Variants in SDCCAG8 observed in about 807,000 individuals in gnomAD.
The protein encoded by SDCCAG8 is serologically defined colon cancer antigen 8.
In SDCCAG8, 74 loss-of-function variants were observed where a neutral mutation model predicts 101.8. That is an observed-to-expected ratio of 0.73 (90% CI 0.60 to 0.88). SDCCAG8 has a LOEUF of 0.88. Among genes scored for constraint, SDCCAG8 ranks in the 40% least tolerant of loss-of-function variants. The pLI, the probability that SDCCAG8 is intolerant of heterozygous loss-of-function variation, is 0.00. For synonymous variants in SDCCAG8, 281 were observed against 292.9 expected (o/e 0.96, Z 0.41); for missense variants, 787 against 822.6 (o/e 0.96, Z 0.53).
At chr1:243,452,839 G>T (rs1469316243) in intron 16 of SDCCAG8, among the ~76,000 whole-genome samples, 1 of 152,178 alleles carries the variant, frequency 6.6e-6, no homozygotes, top group African/African-American at 2.4e-5. Context: ...CAATTATTCT[G>T]TGAGGGCTTC....
chr1:243,476,163 G>C, intron 16 of SDCCAG8: 2 of 985,456 alleles, frequency 2.0e-6, no homozygotes, highest in Non-Finnish European at 2.4e-6. Flanking sequence ...GAGTCACTCT[G>C]TTCAGCTCAA....
At chr1:243,304,531 G>T (rs560146644) in intron 6 of SDCCAG8, among the ~76,000 whole-genome samples, 182 bp from the exon 7 acceptor site, 10 of 152,210 alleles carry the variant, frequency 6.6e-5, no homozygotes, top group Admixed American at 6.5e-4. Context: ...GCGGTTCTTT[G>T]CAGGCATTCA....
Position 243,439,665 on chromosome 1 carries a change from C to CACAT in SDCCAG8, c.1985+13108_1985+13109insCATA, listed in dbSNP as rs1160954571. Among the ~76,000 whole-genome samples, 14 of 151,424 alleles carry CACAT rather than the reference C, an allele frequency of 9.2e-5. No individual in the cohort carries two copies. In the East Asian group the frequency reaches 2.3e-3, roughly 25 times the overall value. On this transcript the variant is annotated intron_variant, in intron 16 of 17. Coordinates refer to ENST00000366541, the MANE Select transcript of SDCCAG8 (RefSeq NM_006642.5). ...ACACACACACACACACACACACACACATCATTGGAGCTATTCTGTAGAGAT... is the reference window on the plus strand; with the variant it reads ...ACACACACACACACACACACACACACACATATCATTGGAGCTATTCTGTAGAGAT...
At chr1:243,428,986 T>G (rs1169565618) in intron 16 of SDCCAG8, among the ~76,000 whole-genome samples, 1 of 152,262 alleles carries the variant, frequency 6.6e-6, no homozygotes, top group Non-Finnish European at 1.5e-5. Context: ...CTTGTGTATT[T>G]TTCATCATGT....
chr1:243,372,938 CTATATCTA>C (rs1213050814), intron 12 of SDCCAG8, among the ~76,000 whole-genome samples: 2 of 144,294 alleles, frequency 1.4e-5, no homozygotes, highest in East Asian at 2.0e-4. Flanking sequence ...ATATCTATAT[CTATATCTA>C]TATCTATCTA....
At chr1:243,299,126 C>T (rs945789285) in intron 6 of SDCCAG8, among the ~76,000 whole-genome samples, 1 of 152,178 alleles carries the variant, frequency 6.6e-6, no homozygotes, top group Non-Finnish European at 1.5e-5. Context: ...TTTCATACAT[C>T]TTTCATTAGA....
In SDCCAG8 at chr1:243,308,029, A is replaced by C; in HGVS notation, c.781A>C (p.Lys261Gln). 1.2e-6 allele frequency: 2 copies of C among 1,614,172 alleles called. No individual in the cohort carries two copies. The highest frequency in any genetic ancestry group is 1.7e-6 in the Non-Finnish European group (2 of 1,180,032). Residue 261 changes from lysine to glutamine, a missense_variant, in exon 8 of 18, where the codon AAA becomes CAA. Coordinates refer to ENST00000366541, the MANE Select transcript of SDCCAG8 (RefSeq NM_006642.5). ...AEYQRTCEDL[K>Q]EQLKHKEFLL... ...ATATCAGAGAACTTGTGAAGATCTT[A>C]AAGAGCAACTAAAGCATAAAGAATT...
chr1:243,412,462 A>G (rs900269116), intron 13 of SDCCAG8, among the ~76,000 whole-genome samples: 1 of 152,178 alleles, frequency 6.6e-6, no homozygotes, highest in African/African-American at 2.4e-5. Flanking sequence ...ATTCAAAACC[A>G]TCCAGGCCGC....
intron 16 of SDCCAG8, among the ~76,000 whole-genome samples, chr1:243,443,062 C>T (rs1323548878): frequency 6.6e-6 from 1 of 152,172 alleles, no homozygotes. Flanking sequence ...TTTTTCTAGT[C>T]TGCATTAAAC....
intron 16 of SDCCAG8, among the ~76,000 whole-genome samples, chr1:243,443,821 T>G (rs1169420018): frequency 1.3e-5 from 2 of 152,176 alleles, no homozygotes; most frequent in Non-Finnish European, 1.5e-5. Context: ...CCTCCCCTCC[T>G]GTCTTCCTTC....
intron 11 of SDCCAG8, 112 bp downstream of exon 11, chr1:243,341,285 A>G: frequency 8.2e-7 from 1 of 1,213,820 alleles, no homozygotes; most frequent in Non-Finnish European, 1.2e-6. Context: ...TGGAGTAGAA[A>G]AGTTTTGTGA....
At chr1:243,448,054 C>T (rs557858497) in intron 16 of SDCCAG8, among the ~76,000 whole-genome samples, 5 of 152,254 alleles carry the variant, frequency 3.3e-5, no homozygotes, top group Admixed American at 1.3e-4. Context: ...GCAGGATTCC[C>T]GAGTCCTTGC....
chr1:243,467,537 C>T (rs374165528), intron 16 of SDCCAG8, among the ~76,000 whole-genome samples: 5 of 152,198 alleles, frequency 3.3e-5, no homozygotes, highest in African/African-American at 9.7e-5. Flanking sequence ...ATATGTGCAC[C>T]GCAAATCCAC....
At chr1:243,307,511 T>G in intron 7 of SDCCAG8, 2 of 983,460 alleles carry the variant, frequency 2.0e-6, no homozygotes, top group Non-Finnish European at 2.4e-6. Context: ...AAAATCCATG[T>G]TTTTTTATGT....
intron 6 of SDCCAG8, among the ~76,000 whole-genome samples, chr1:243,296,755 G>A (rs1031734910): frequency 6.6e-6 from 1 of 150,548 alleles, no homozygotes; most frequent in Non-Finnish European, 1.5e-5. Flanking sequence ...CCGTGGTCTC[G>A]ATCTCCTGAC....
intron 6 of SDCCAG8, among the ~76,000 whole-genome samples, chr1:243,303,461 C>G (rs1280893073): frequency 2.0e-5 from 3 of 152,136 alleles, no homozygotes; most frequent in African/African-American, 7.2e-5. Flanking sequence ...CTCCTAACTC[C>G]TGCATCTCTT....
At position 243,323,442 on chromosome 1, in the gene SDCCAG8, C is replaced by T. The variant is rs150333935; in HGVS notation, c.1068+6549C>T. ...TGGCCCTCTTATTTCCCAAGATGAA[C>T]ATCTTTCTCCCCGTTTTTGATGTCT... On this transcript the variant is annotated intron_variant, in intron 9 of 17. Coordinates refer to ENST00000366541, the MANE Select transcript of SDCCAG8 (RefSeq NM_006642.5). 9.0e-4 allele frequency among the ~76,000 whole-genome samples: 137 copies of T among 152,158 alleles called. 1 individual carries two copies. The highest frequency in any genetic ancestry group is 4.2e-3 in the Admixed American group (64 of 15,276).
chr1:243,387,843 G>T (rs536860323), intron 13 of SDCCAG8, among the ~76,000 whole-genome samples: 1 of 152,108 alleles, frequency 6.6e-6, no homozygotes, highest in Non-Finnish European at 1.5e-5. Context: ...ACCCTCCCAA[G>T]TAGCTGGGAT....
chr1:243,393,513 A>G (rs762337496), intron 13 of SDCCAG8, among the ~76,000 whole-genome samples: 3 of 132,702 alleles, frequency 2.3e-5, no homozygotes, highest in African/African-American at 5.5e-5. Flanking sequence ...AAAAAGGAAA[A>G]TTGAGTTGAA....
Sources: gnomAD v4.1 joint callset for allele counts (sites outside exome capture counted in the v4.1 genomes callset) on GRCh38, gnomAD v4.1.1 for gene constraint, MANE v1.5 for transcripts, NCBI Gene and HGNC (gene_info 2026-07-23, HGNC 2026-07-21) for gene names.